The following PCDHA8 variants were observed in gnomAD, a reference collection of about 807,000 sequenced individuals.
PCDHA8 encodes protocadherin alpha 8, also known as protocadherin alpha-8.
In PCDHA8, 53 loss-of-function variants were observed where a neutral mutation model predicts 61.8. The ratio of observed to expected loss-of-function variants is 0.86; its 90% CI spans 0.69 to 1.08. PCDHA8 has a LOEUF of 1.08. PCDHA8 is among the 50% of genes least tolerant of loss of function. The probability of loss-of-function intolerance (pLI) is 0.00; values close to 1 mark genes in which losing one functional copy is unlikely to be tolerated. For synonymous variants in PCDHA8, 618 were observed against 556.6 expected (o/e 1.11, Z -1.55); for missense variants, 1,293 against 1,245.0 (o/e 1.04, Z -0.58).
At chr5:140,881,340 C>T (rs782406068) in intron 1 of PCDHA8, 10 of 984,934 alleles carry the variant, frequency 1.0e-5, no homozygotes, top group African/African-American at 5.2e-5. Context: ...GACGCCGATT[C>T]GGGCTACAAT....
chr5:140,876,515 C>G (rs782705478), intron 1 of PCDHA8: 4 of 1,613,960 alleles, frequency 2.5e-6, no homozygotes, highest in Non-Finnish European at 3.4e-6. Flanking sequence ...GACAATGTCC[C>G]TGAAGTAATG....
At position 140,927,644 on chromosome 5, in the gene PCDHA8, T is replaced by C. The variant is rs370145398; in HGVS notation, c.2395-51305T>C. On this transcript the variant is annotated intron_variant, in intron 1 of 3. Coordinates refer to ENST00000531613, the MANE Select transcript of PCDHA8 (RefSeq NM_018911.3). The stretch of plus-strand genomic sequence containing the variant: ...CCAGAGACTGCACCCAATGGGACTG[T>C]GTTATTCCGAGTTCAAGCCTTGGAT... The C allele has an allele frequency of 4.6e-5, 74 of 1,614,028 alleles. 1 individual carries two copies. Among genetic ancestry groups the C allele is most frequent in the Non-Finnish European group, 5.8e-5 (68 of 1,180,020 alleles).
intron 1 of PCDHA8, chr5:140,968,847 A>G (rs781874732): frequency 8.7e-6 from 14 of 1,614,222 alleles, no homozygotes; most frequent in Middle Eastern, 1.6e-4. Context: ...ACTCAGAGGC[A>G]TGTTAAGAGC....
At chr5:140,851,730 T>G in intron 1 of PCDHA8, 1 of 971,134 alleles carries the variant, frequency 1.0e-6, no homozygotes, top group Non-Finnish European at 1.2e-6. Context: ...TTCGAGTTCT[T>G]TTGAAATTCA....
intron 1 of PCDHA8, chr5:140,968,861 C>T (rs139036960): frequency 5.6e-5 from 90 of 1,614,182 alleles, no homozygotes; most frequent in Admixed American, 2.8e-4. Flanking sequence ...TAAGAGCCCT[C>T]GGACATACTC....
At chr5:141,007,280 T>G (rs946303708) in intron 3 of PCDHA8, among the ~76,000 whole-genome samples, 1 of 151,106 alleles carries the variant, frequency 6.6e-6, no homozygotes, top group East Asian at 1.9e-4. Flanking sequence ...CTGGGTGCAG[T>G]GGGCTCATGC....
intron 1 of PCDHA8, among the ~76,000 whole-genome samples, chr5:140,855,674 A>G (rs1431720219): frequency 1.3e-5 from 2 of 149,852 alleles, no homozygotes; most frequent in Non-Finnish European, 3.0e-5. Context: ...CTACTCTGAG[A>G]GTCTACATTT....
At chr5:140,852,863 G>A (rs945338680) in intron 1 of PCDHA8, 4 of 958,208 alleles carry the variant, frequency 4.2e-6, no homozygotes, top group Non-Finnish European at 3.8e-6. Flanking sequence ...CATTTACTAT[G>A]TCATCAATAA....
At chr5:140,882,884 C>T (rs782007101) in intron 1 of PCDHA8, 3 of 1,614,184 alleles carry the variant, frequency 1.9e-6, no homozygotes, top group Middle Eastern at 3.3e-4. Context: ...AGAGGAAATT[C>T]AGGAACATAG....
At chr5:140,941,185 CTTTT>C (rs782102770) in intron 1 of PCDHA8, among the ~76,000 whole-genome samples, 59 of 102,236 alleles carry the variant, frequency 5.8e-4, no homozygotes, top group South Asian at 3.1e-3. Context: ...CATCCTGCTT[CTTTT>C]TTTTTCTTTC....
At chr5:140,941,222 T>TCTTC (rs2092907237) in intron 1 of PCDHA8, among the ~76,000 whole-genome samples, 2 of 116,858 alleles carry the variant, frequency 1.7e-5, no homozygotes, top group Non-Finnish European at 3.8e-5. Flanking sequence ...TTCCTTTCTT[T>TCTTC]CTTTCTTTCT....
At chr5:140,935,203 A>G (rs1403808889) in intron 1 of PCDHA8, among the ~76,000 whole-genome samples, 1 of 152,160 alleles carries the variant, frequency 6.6e-6, no homozygotes, top group Non-Finnish European at 1.5e-5. Flanking sequence ...GTTTCTAGGT[A>G]TCTTCAGCTA....
chr5:140,884,060 G>C (rs781956914), intron 1 of PCDHA8: 4 of 1,613,548 alleles, frequency 2.5e-6, no homozygotes, highest in Non-Finnish European at 3.4e-6. Context: ...GCGCGCGGTG[G>C]ACGCCGATTC....
intron 1 of PCDHA8, chr5:140,927,385 C>G: frequency 6.2e-7 from 1 of 1,614,098 alleles, no homozygotes; most frequent in East Asian, 2.2e-5. Flanking sequence ...CAGCCTAAGC[C>G]CCAGTCAGCA....
At chr5:140,929,353 C>T in intron 1 of PCDHA8, 1 of 1,527,090 alleles carries the variant, frequency 6.5e-7, no homozygotes, top group Non-Finnish European at 8.8e-7. Context: ...AATTTGATTC[C>T]TTTGGCCCGG....
In PCDHA8 at chr5:140,852,833, T is replaced by C; in HGVS notation, c.2394+9118T>C. 14 of 971,734 alleles carry C rather than the reference T, an allele frequency of 1.4e-5. 1 individual carries two copies. Among genetic ancestry groups the C allele is most frequent in the Non-Finnish European group, 1.5e-5 (12 of 804,770 alleles). 60.2% of individuals were successfully genotyped at this position (971,734 alleles called of 1,614,324 possible). On this transcript the variant is annotated intron_variant, in intron 1 of 3. Transcript: ENST00000531613. ...CCCGCCCTAAGTCCTCCAGTCTCCT[T>C]AGAGCTAGTACTTACTAAGCATTTA...
intron 1 of PCDHA8, among the ~76,000 whole-genome samples, chr5:140,949,684 C>T (rs116815984): frequency 0.023 from 3,563 of 151,738 alleles, 50 homozygotes; most frequent in Middle Eastern, 0.051. Context: ...CTTGTTGAAG[C>T]GTATTGTTGG....
intron 1 of PCDHA8, chr5:140,870,781 A>T: frequency 2.5e-6 from 4 of 1,613,654 alleles, no homozygotes; most frequent in Non-Finnish European, 3.4e-6. Flanking sequence ...CGAGAACGAC[A>T]ACGCGCCGGC....
Position 141,003,329 on chromosome 5 carries a change from T to C in PCDHA8, c.2543-6298T>C, listed in dbSNP as rs571160293. On this transcript the variant is annotated intron_variant, in intron 3 of 3. Transcript: ENST00000531613. ...GGCCAGCTACTTCCAGAGGGCAGGG[T>C]TTTTTGTTTGTTTGCTCTGTCACCC... Among the ~76,000 whole-genome samples the C allele has an allele frequency of 7.2e-5, 11 of 152,118 alleles. No homozygotes were observed. The South Asian group carries it at 2.3e-3, about 32-fold the overall frequency.
Sources: gnomAD v4.1 joint callset for allele counts (sites outside exome capture counted in the v4.1 genomes callset) on GRCh38, gnomAD v4.1.1 for gene constraint, MANE v1.5 for transcripts, NCBI Gene and HGNC (gene_info 2026-07-23, HGNC 2026-07-21) for gene names.